Variants in TLE4 observed in about 807,000 individuals in gnomAD.
TLE4 encodes TLE family member 4, transcriptional corepressor, also known as transducin-like enhancer protein 4.
TLE4 carries 8 observed loss-of-function variants against 92.8 expected under a neutral mutation model. The ratio of observed to expected loss-of-function variants is 0.09; its 90% CI spans 0.05 to 0.16. The LOEUF (loss-of-function observed/expected upper bound fraction) is 0.16, where lower values mean the gene tolerates loss of function less well. TLE4 is among the 10% of genes least tolerant of loss of function. The pLI is 1.00. For synonymous variants in TLE4, 371 were observed against 374.1 expected, an observed-to-expected ratio of 0.99 and a Z score of 0.10; for missense variants, 675 against 997.6, an observed-to-expected ratio of 0.68 and a Z score of 4.36.
At chr9:79,596,663 C>G (rs75995296) in intron 4 of TLE4, among the ~76,000 whole-genome samples, 4,964 of 152,274 alleles carry the variant, frequency 0.033, 134 homozygotes, top group Middle Eastern at 0.092. Flanking sequence ...GAATCGATAC[C>G]TAACAATACA....
At chr9:79,654,164 G>T in intron 8 of TLE4, 89 bp downstream of exon 8, 1 of 1,361,494 alleles carries the variant, frequency 7.3e-7, no homozygotes, top group South Asian at 1.2e-5. Flanking sequence ...TTGAGATTTA[G>T]AGAATGATTT....
intron 8 of TLE4, among the ~76,000 whole-genome samples, chr9:79,695,387 G>A (rs1408813462): frequency 1.3e-5 from 2 of 151,696 alleles, no homozygotes; most frequent in South Asian, 2.1e-4. Context: ...CACTGTTCTT[G>A]TATTACAGGC....
intron 8 of TLE4, among the ~76,000 whole-genome samples, chr9:79,673,244 T>G (rs2062713757): frequency 1.3e-5 from 2 of 152,190 alleles, no homozygotes; most frequent in African/African-American, 2.4e-5. Flanking sequence ...ATCCTGAAAT[T>G]TTTTTATAGT....
intron 14 of TLE4, among the ~76,000 whole-genome samples, chr9:79,714,885 C>T (rs1051842135): frequency 6.6e-6 from 1 of 152,200 alleles, no homozygotes; most frequent in African/African-American, 2.4e-5. Context: ...TGACTTCCCT[C>T]ATACCTTCCA....
intron 6 of TLE4, among the ~76,000 whole-genome samples, chr9:79,647,218 A>C (rs1340007637): frequency 6.6e-6 from 1 of 152,180 alleles, no homozygotes; most frequent in Non-Finnish European, 1.5e-5. Context: ...ATAAAATGTT[A>C]ACATTAGTGA....
intron 8 of TLE4, among the ~76,000 whole-genome samples, chr9:79,662,263 T>A (rs2060635868): frequency 6.6e-6 from 1 of 152,244 alleles, no homozygotes; most frequent in Non-Finnish European, 1.5e-5. Flanking sequence ...TTCTTGAATC[T>A]TCTTTTTTAA....
chr9:79,652,194 C>T (rs532831703), intron 6 of TLE4, among the ~76,000 whole-genome samples: 1,625 of 147,922 alleles, frequency 0.011, 35 homozygotes, highest in African/African-American at 0.038. Context: ...TTTTCTTTTT[C>T]TTTTTTTTTT....
chr9:79,704,464 C>G (rs1422535400), intron 8 of TLE4, among the ~76,000 whole-genome samples: 1 of 152,154 alleles, frequency 6.6e-6, no homozygotes, highest in East Asian at 1.9e-4. Context: ...TCCGTAAAAC[C>G]AAACCCATTC....
chr9:79,689,505 T>C (rs1406883220), intron 8 of TLE4, among the ~76,000 whole-genome samples: 3 of 152,210 alleles, frequency 2.0e-5, no homozygotes, highest in African/African-American at 4.8e-5. Flanking sequence ...GTTTTAATTA[T>C]GGCACTCAAA....
chr9:79,710,127 G>T (rs930132251), intron 14 of TLE4, among the ~76,000 whole-genome samples: 1 of 152,206 alleles, frequency 6.6e-6, no homozygotes, highest in Non-Finnish European at 1.5e-5. Flanking sequence ...GACTTGCTTA[G>T]TTGGCTTCTT....
At chr9:79,674,857 G>A (rs900360670) in intron 8 of TLE4, among the ~76,000 whole-genome samples, 7 of 152,108 alleles carry the variant, frequency 4.6e-5, no homozygotes, top group Non-Finnish European at 8.8e-5. Context: ...TACCAGTTCA[G>A]AATCTGCTAT....
intron 14 of TLE4, among the ~76,000 whole-genome samples, chr9:79,713,631 A>G (rs746293913): frequency 2.0e-5 from 3 of 152,186 alleles, no homozygotes; most frequent in Non-Finnish European, 4.4e-5. Flanking sequence ...TTTGTAAATT[A>G]GGTCCTCTTC....
intron 6 of TLE4, among the ~76,000 whole-genome samples, chr9:79,632,832 C>T (rs1326989543): frequency 6.6e-6 from 1 of 152,016 alleles, no homozygotes; most frequent in Non-Finnish European, 1.5e-5. Flanking sequence ...AATAGTGTGC[C>T]TGGAGCTTAA....
At chr9:79,636,972 C>T (rs1377579915) in intron 6 of TLE4, among the ~76,000 whole-genome samples, 1 of 151,472 alleles carries the variant, frequency 6.6e-6, no homozygotes, top group Non-Finnish European at 1.5e-5. Context: ...AATTTTGAGC[C>T]AAGATAGAAA....
At chr9:79,659,988 A>G (rs574973142) in intron 8 of TLE4, among the ~76,000 whole-genome samples, 15 of 152,150 alleles carry the variant, frequency 9.9e-5, no homozygotes, top group East Asian at 5.8e-4. Context: ...GGTAAAATCC[A>G]TTTCATTGTT....
At chr9:79,688,348 A>G (rs1055134401) in intron 8 of TLE4, among the ~76,000 whole-genome samples, 1 of 152,064 alleles carries the variant, frequency 6.6e-6, no homozygotes, top group Non-Finnish European at 1.5e-5. Flanking sequence ...TTTCACAGTA[A>G]TGGTAGATTT....
intron 4 of TLE4, chr9:79,576,653 A>G (rs2037875030): frequency 6.6e-6 from 1 of 152,194 alleles, no homozygotes. Context: ...AATTGATGTA[A>G]AATCCTTGTA....
At chr9:79,672,370 C>T (rs1410637598) in intron 8 of TLE4, among the ~76,000 whole-genome samples, 1 of 152,036 alleles carries the variant, frequency 6.6e-6, no homozygotes, top group East Asian at 1.9e-4. Context: ...GTGAGGGGCC[C>T]CTGAGCAGAC....
chr9:79,625,400 A>G (rs2052347166), intron 5 of TLE4, among the ~76,000 whole-genome samples: 1 of 152,174 alleles, frequency 6.6e-6, no homozygotes, highest in Non-Finnish European at 1.5e-5. Flanking sequence ...GCTTTTAAAT[A>G]TGCAGCCCTT....
Sources: allele counts gnomAD v4.1 joint callset (sites outside exome capture counted in the v4.1 genomes callset), GRCh38; gene constraint gnomAD v4.1.1; transcripts MANE v1.5; gene names NCBI Gene and HGNC (gene_info 2026-07-23, HGNC 2026-07-21).